The following ODAD2 variants were observed in gnomAD, a reference collection of about 807,000 sequenced individuals.
ODAD2 encodes the protein outer dynein arm docking complex subunit 2, also known as outer dynein arm-docking complex subunit 2.
Under a neutral mutation model 106.8 loss-of-function variants are expected in ODAD2, and 89 were observed. That is an observed-to-expected ratio of 0.83 (90% CI 0.70 to 0.99). The LOEUF (loss-of-function observed/expected upper bound fraction) is 0.99. ODAD2 is among the 50% of genes least tolerant of loss of function. The pLI is 0.00. For synonymous variants in ODAD2, 404 were observed against 436.2 expected, an observed-to-expected ratio of 0.93 and a Z score of 0.92; for missense variants, 1,168 against 1,238.5, an observed-to-expected ratio of 0.94 and a Z score of 0.85.
At chr10:27,843,825 A>G (rs1047348884) in intron 19 of ODAD2, among the ~76,000 whole-genome samples, 6 of 152,194 alleles carry the variant, frequency 3.9e-5, no homozygotes, top group Non-Finnish European at 8.8e-5. Context: ...TAGTCTGAAG[A>G]TGCAATATAC....
At chr10:27,812,661 A>C in intron 19 of ODAD2, 36 bp from the exon 20 acceptor site, 1 of 1,539,182 alleles carries the variant, frequency 6.5e-7, no homozygotes, top group Non-Finnish European at 8.7e-7. Context: ...GGGACACAAG[A>C]ATAAAAACAT....
At chr10:27,890,618 A>T (rs1256436936) in intron 17 of ODAD2, among the ~76,000 whole-genome samples, 2 of 152,032 alleles carry the variant, frequency 1.3e-5, no homozygotes, top group African/African-American at 4.8e-5. Flanking sequence ...ATGGGAGGGC[A>T]GTAGTGGAGA....
intron 6 of ODAD2, among the ~76,000 whole-genome samples, chr10:27,982,393 G>T (rs1379413823): frequency 6.6e-6 from 1 of 152,024 alleles, no homozygotes; most frequent in Non-Finnish European, 1.5e-5. Flanking sequence ...TATGTATGTA[G>T]ATCAATAATA....
At chr10:27,963,766 T>C (rs573787744) in intron 9 of ODAD2, among the ~76,000 whole-genome samples, 1 of 152,114 alleles carries the variant, frequency 6.6e-6, no homozygotes, top group East Asian at 1.9e-4. Context: ...ATATAATATA[T>C]ATTGTATGAA....
Position 27,821,229 on chromosome 10 carries a change from A to G in ODAD2, c.3022-8604T>C, listed in dbSNP as rs536182654. On this transcript the variant is annotated intron_variant, in intron 19 of 19. Transcript: ENST00000305242. Reference sequence around the variant, plus strand: ...TGTGTGCTCCGGGTATGAATATTTGAGAAGTACCCCCAAGACCCTCTTTGA... The same window carrying G: ...TGTGTGCTCCGGGTATGAATATTTGGGAAGTACCCCCAAGACCCTCTTTGA... 2.6e-5 allele frequency among the ~76,000 whole-genome samples: 4 copies of G among 152,276 alleles called. No individual in the cohort carries two copies. In the South Asian group the frequency reaches 8.3e-4, roughly 32 times the overall value.
chr10:27,815,620 C>T (rs191775848), intron 19 of ODAD2, among the ~76,000 whole-genome samples: 5 of 152,306 alleles, frequency 3.3e-5, no homozygotes, highest in Admixed American at 1.3e-4. Flanking sequence ...CTTCTTCTAC[C>T]GTACTCCCCT....
intron 19 of ODAD2, among the ~76,000 whole-genome samples, chr10:27,859,278 G>A (rs980741718): frequency 6.6e-6 from 1 of 151,938 alleles, no homozygotes; most frequent in African/African-American, 2.4e-5. Flanking sequence ...GCTTTGGCCA[G>A]ATTTTTGCTT....
chr10:27,993,488 A>G (rs1355484564), intron 2 of ODAD2, among the ~76,000 whole-genome samples: 6 of 152,008 alleles, frequency 3.9e-5, no homozygotes, highest in African/African-American at 1.4e-4. Context: ...CGTCTCTACT[A>G]AAATACAAAA....
intron 19 of ODAD2, among the ~76,000 whole-genome samples, chr10:27,858,548 C>T (rs1470490350): frequency 2.6e-5 from 4 of 152,142 alleles, no homozygotes; most frequent in Non-Finnish European, 5.9e-5. Context: ...AATTTTCCTT[C>T]TTTGCTTTTT....
At chr10:27,996,176 G>C (rs1421745697) in intron 1 of ODAD2, among the ~76,000 whole-genome samples, 1 of 152,124 alleles carries the variant, frequency 6.6e-6, no homozygotes, top group Non-Finnish European at 1.5e-5. Context: ...TTTCTCTTTT[G>C]TATAGCACTT....
At chr10:27,957,847 T>G (rs1015325145) in intron 10 of ODAD2, among the ~76,000 whole-genome samples, 3 of 152,172 alleles carry the variant, frequency 2.0e-5, no homozygotes, top group Admixed American at 6.5e-5. Context: ...TAAATCTTTT[T>G]TTTTCCAACA....
In ODAD2 at chr10:27,924,008, A is replaced by C. The variant is rs12778544; in HGVS notation, c.2495+11002T>G. 4.8e-5 allele frequency among the ~76,000 whole-genome samples: 5 copies of C among 104,248 alleles called. No homozygotes were observed. In the South Asian group the frequency reaches 1.6e-3, roughly 33 times the overall value. 68.4% of individuals were successfully genotyped at this position (104,248 alleles called of 152,430 possible). A position where few individuals can be genotyped will look rare whatever the true frequency, so the allele number is the denominator to read the frequency against. On this transcript the variant is annotated intron_variant, in intron 16 of 19. Coordinates refer to ENST00000305242, the MANE Select transcript of ODAD2 (RefSeq NM_018076.5). ...AAAGAAAGAAAGAAAGAAAGAAAGA[A>C]AGAAAGAAAGAAAGAAGGAAAGAGA...
chr10:27,837,814 A>G (rs753387087), intron 19 of ODAD2, among the ~76,000 whole-genome samples: 1 of 152,144 alleles, frequency 6.6e-6, no homozygotes, highest in Middle Eastern at 3.2e-3. Context: ...TGTCAACCAT[A>G]AGGATAAGCC....
chr10:27,819,853 GA>G (rs1377749591), intron 19 of ODAD2, among the ~76,000 whole-genome samples: 2 of 150,206 alleles, frequency 1.3e-5, no homozygotes, highest in Admixed American at 1.3e-4. Context: ...AAAAAGGAAA[GA>G]AAAAAATACT....
intron 17 of ODAD2, among the ~76,000 whole-genome samples, chr10:27,870,652 G>T (rs557659394): frequency 6.6e-6 from 1 of 152,176 alleles, no homozygotes; most frequent in African/African-American, 2.4e-5. Context: ...ATGGTTTCCA[G>T]CTTAATCCAT....
In ODAD2 at chr10:27,940,739, C is replaced by T. The variant is rs1846353146; in HGVS notation, c.1810G>A (p.Asp604Asn). The change falls in exon 13 of 20, where the codon GAC becomes AAC. Residue 604 changes from aspartate (D) to asparagine (N), a missense_variant. This residue lies in a region of ODAD2 where 701 missense variants were observed against 712.3 expected (regional missense o/e 0.98). Transcript: ENST00000305242. ...PAQSSLYEAR[D>N]VEVARCGALA... is the part of the protein sequence containing the mutation. ...GCCCCACAGCGAGCCACTTCCACGT[C>T]TCTGGCCTCATACAGACTCGATTGG... The T allele has an allele frequency of 4.3e-6, 7 of 1,614,156 alleles. No individual in the cohort carries two copies. The highest frequency in any genetic ancestry group is 5.9e-6 in the Non-Finnish European group (7 of 1,180,010).
Position 27,860,833 on chromosome 10 carries a change from A to G in ODAD2, c.2813T>C (p.Leu938Ser). ...AATAGCTTCTGCTAGATGATGTCTC[A>G]ATTTATTGTTATTCTGTGCAAGGGA... is the stretch of plus-strand genomic sequence containing the variant. ...SKLANTNNNK[L>S]RHHLAEAISR... Residue 938 changes from leucine (L) to serine (S), a missense_variant, in exon 19 of 20, where the codon TTG becomes TCG. Leu to Ser is a moderately radical substitution (Grantham distance 145). Transcript: ENST00000305242. 6.2e-7 allele frequency: 1 copy of G among 1,614,028 alleles called. No homozygotes were observed. Among genetic ancestry groups the G allele is most frequent in the Non-Finnish European group, 8.5e-7 (1 of 1,179,910 alleles).
rs57375404 is a variant in ODAD2 at position 27,937,339 on chromosome 10, CTTTTTTT to C, written c.2098-466_2098-460del. Among the ~76,000 whole-genome samples the C allele has an allele frequency of 4.4e-4, 59 of 132,768 alleles. 1 individual carries two copies. The highest frequency in any genetic ancestry group is 7.0e-4 in the Non-Finnish European group (44 of 62,792). 87.1% of individuals were successfully genotyped at this position (132,768 alleles called of 152,430 possible). A position where few individuals can be genotyped will look rare whatever the true frequency, so the allele number is the denominator to read the frequency against. On this transcript the variant is annotated intron_variant, in intron 14 of 19. Transcript: ENST00000305242. ...TTCTTTTTTTCTTTCTTTCTTTTTT[CTTTTTTT>C]TTTTTTTTTGAGAGAGACTCTTGCT...
chr10:27,998,678 G>A (rs963753180), intron 1 of ODAD2, among the ~76,000 whole-genome samples: 17 of 152,150 alleles, frequency 1.1e-4, no homozygotes, highest in African/African-American at 4.1e-4. Context: ...TGGTCCCCGG[G>A]AGGGAAAGGG....
Sources: gnomAD v4.1 joint callset for allele counts (sites outside exome capture counted in the v4.1 genomes callset) on GRCh38, gnomAD v4.1.1 for gene constraint, gnomAD v4.1.1 regional missense constraint, MANE v1.5 for transcripts, NCBI Gene and HGNC (gene_info 2026-07-23, HGNC 2026-07-21) for gene names.